The following BRINP1 variants were observed in gnomAD, a reference collection of about 807,000 sequenced individuals.
BRINP1 encodes BMP/retinoic acid-inducible neural-specific protein 1.
In BRINP1, 17 loss-of-function variants were observed where a neutral mutation model predicts 72.9. The observed-to-expected ratio is 0.23, with a 90% confidence interval of 0.16 to 0.35. The LOEUF (loss-of-function observed/expected upper bound fraction) is 0.35, where lower values mean the gene tolerates loss of function less well. Among genes scored for constraint, BRINP1 ranks in the 10% least tolerant of loss-of-function variants. The probability of loss-of-function intolerance (pLI) is 1.00; values close to 1 mark genes in which losing one functional copy is unlikely to be tolerated. For missense variants in BRINP1, 850 were observed against 1,001.6 expected (o/e 0.85, Z 2.04); for synonymous variants, 418 against 378.5 (o/e 1.10, Z -1.21).
chr9:119,318,983 A>G (rs1306250976), intron 1 of BRINP1, among the ~76,000 whole-genome samples: 3 of 151,922 alleles, frequency 2.0e-5, no homozygotes, highest in Admixed American at 2.0e-4. Flanking sequence ...TCCCCAGGGA[A>G]CATCTTTGAT....
At chr9:119,283,988 A>C (rs1830736457) in intron 2 of BRINP1, among the ~76,000 whole-genome samples, 2 of 152,306 alleles carry the variant, frequency 1.3e-5, no homozygotes, top group South Asian at 4.1e-4. Context: ...CCTCTGGGGA[A>C]TTGCAGAATT....
At chr9:119,188,494 G>C (rs1451052025) in intron 7 of BRINP1, among the ~76,000 whole-genome samples, 1 of 152,152 alleles carries the variant, frequency 6.6e-6, no homozygotes, top group Non-Finnish European at 1.5e-5. Context: ...CAGGCATGGT[G>C]GCTCACATCT....
At chr9:119,297,380 T>A (rs2118978866) in intron 2 of BRINP1, among the ~76,000 whole-genome samples, 1 of 152,226 alleles carries the variant, frequency 6.6e-6, no homozygotes, top group East Asian at 1.9e-4. Flanking sequence ...GTATAGCCAG[T>A]GGTAACGAGC....
At chr9:119,327,814 A>G (rs1831254717) in intron 1 of BRINP1, among the ~76,000 whole-genome samples, 1 of 152,150 alleles carries the variant, frequency 6.6e-6, no homozygotes, top group Admixed American at 6.5e-5. Context: ...ATGGGTTTTG[A>G]GTAAATGATG....
intron 1 of BRINP1, among the ~76,000 whole-genome samples, chr9:119,344,201 A>C (rs1831430245): frequency 1.3e-5 from 2 of 152,196 alleles, no homozygotes; most frequent in African/African-American, 2.4e-5. Context: ...TAATAACTAC[A>C]TGCTACCTAC....
intron 1 of BRINP1, 105 bp from the exon 2 acceptor site, chr9:119,313,510 G>A: frequency 9.9e-7 from 1 of 1,010,676 alleles, no homozygotes; most frequent in Non-Finnish European, 1.4e-6. Flanking sequence ...AAGAAAAAAT[G>A]TGATTAACAC....
At chr9:119,238,814 A>T in intron 4 of BRINP1, 54 bp from the exon 5 acceptor site, 1 of 1,223,892 alleles carries the variant, frequency 8.2e-7, no homozygotes, top group Non-Finnish European at 1.2e-6. Context: ...TGTCTAGGAC[A>T]TACCCCAAAG....
At chr9:119,271,639 T>C (rs1169580385) in intron 2 of BRINP1, among the ~76,000 whole-genome samples, 4 of 152,080 alleles carry the variant, frequency 2.6e-5, no homozygotes, top group Non-Finnish European at 2.9e-5. Flanking sequence ...ATATTTTTCA[T>C]TCTTTTTGGA....
At chr9:119,172,691 T>C (rs1479520206) in intron 7 of BRINP1, among the ~76,000 whole-genome samples, 2 of 151,718 alleles carry the variant, frequency 1.3e-5, no homozygotes. Context: ...AAGAGAATTT[T>C]AGACCAATAT....
chr9:119,238,781 G>A, intron 4 of BRINP1, 21 bp from the exon 5 acceptor site: 2 of 1,494,584 alleles, frequency 1.3e-6, no homozygotes, highest in Non-Finnish European at 1.9e-6. Context: ...TATCAAATAA[G>A]ATAGGTGTGA....
intron 7 of BRINP1, among the ~76,000 whole-genome samples, chr9:119,176,770 A>C (rs1321280196): frequency 6.6e-6 from 1 of 152,210 alleles, no homozygotes; most frequent in African/African-American, 2.4e-5. Flanking sequence ...GGATTTCACT[A>C]TCGCTCTGGA....
At chr9:119,184,760 C>T (rs1473651543) in intron 7 of BRINP1, among the ~76,000 whole-genome samples, 1 of 152,096 alleles carries the variant, frequency 6.6e-6, no homozygotes, top group African/African-American at 2.4e-5. Context: ...AAGTAATCTG[C>T]TTGCAGTCAC....
chr9:119,228,815 G>A (rs914409682), intron 5 of BRINP1, among the ~76,000 whole-genome samples: 3 of 152,084 alleles, frequency 2.0e-5, no homozygotes, highest in African/African-American at 7.2e-5. Context: ...ACTGAAGCTA[G>A]AAAGGGAATT....
chr9:119,211,344 T>C (rs1354099310), intron 6 of BRINP1, among the ~76,000 whole-genome samples: 1 of 152,116 alleles, frequency 6.6e-6, no homozygotes, highest in Non-Finnish European at 1.5e-5. Flanking sequence ...ATTACAGGCA[T>C]GTGCCGCCAC....
intron 5 of BRINP1, among the ~76,000 whole-genome samples, chr9:119,218,173 C>T (rs1258148787): frequency 6.6e-6 from 1 of 151,296 alleles, no homozygotes; most frequent in Non-Finnish European, 1.5e-5. Flanking sequence ...CCAGTGTAGG[C>T]TCCAGGCACT....
chr9:119,183,233 A>G (rs940411091), intron 7 of BRINP1, among the ~76,000 whole-genome samples: 1 of 152,256 alleles, frequency 6.6e-6, no homozygotes, highest in African/African-American at 2.4e-5. Context: ...ACTATTTGGA[A>G]TAATGCCAAA....
chr9:119,290,944 G>A (rs1206237691), intron 2 of BRINP1, among the ~76,000 whole-genome samples: 2 of 152,040 alleles, frequency 1.3e-5, no homozygotes, highest in African/African-American at 4.8e-5. Flanking sequence ...CCAACATGGT[G>A]AAACTCCGTC....
At chr9:119,184,797 C>T (rs1321343772) in intron 7 of BRINP1, among the ~76,000 whole-genome samples, 2 of 152,122 alleles carry the variant, frequency 1.3e-5, no homozygotes, top group African/African-American at 4.8e-5. Flanking sequence ...AGCCCAGAAC[C>T]AGAATCTTCC....
intron 7 of BRINP1, among the ~76,000 whole-genome samples, chr9:119,192,398 C>G (rs1178255940): frequency 1.3e-5 from 2 of 151,852 alleles, no homozygotes; most frequent in African/African-American, 4.8e-5. Flanking sequence ...AACTCAATAG[C>G]AGAAAAACAA....
Sources: gnomAD v4.1 joint callset for allele counts (sites outside exome capture counted in the v4.1 genomes callset) on GRCh38, gnomAD v4.1.1 for gene constraint, MANE v1.5 for transcripts, NCBI Gene and HGNC (gene_info 2026-07-23, HGNC 2026-07-21) for gene names.